Variants in XKR4 observed in about 807,000 individuals in gnomAD.
XKR4 encodes XK-related protein 4.
A neutral mutation model predicts 53.9 loss-of-function variants in XKR4; 12 were observed. The observed-to-expected ratio is 0.22, with a 90% confidence interval of 0.14 to 0.36. XKR4 has a LOEUF of 0.36. Among genes scored for constraint, XKR4 ranks in the 10% least tolerant of loss-of-function variants. XKR4 has a pLI of 1.00. For missense variants in XKR4, 799 were observed against 859.5 expected (o/e 0.93, Z 0.88); for synonymous variants, 354 against 362.4 (o/e 0.98, Z 0.26).
chr8:55,353,045 G>A (rs1442985412), intron 1 of XKR4, among the ~76,000 whole-genome samples: 1 of 152,196 alleles, frequency 6.6e-6, no homozygotes, highest in Admixed American at 6.5e-5. Flanking sequence ...AATCTGGAAA[G>A]TAGATGGGGA....
At position 55,531,634 on chromosome 8, in the gene XKR4, G is replaced by A. The variant is rs1034217248; in HGVS notation, c.*7407G>A. On this transcript the variant is annotated 3_prime_UTR_variant, in exon 3 of 3. Transcript: ENST00000327381. Reference sequence around the variant, plus strand: ...ACAAAAAAATTGAAATACTCTCTTGGTGCATAGTATTTGATTGAAAACAAT... The same window carrying A: ...ACAAAAAAATTGAAATACTCTCTTGATGCATAGTATTTGATTGAAAACAAT... The A allele has an allele frequency of 1.3e-5, 2 of 152,066 alleles. No individual in the cohort carries two copies. The highest frequency in any genetic ancestry group is 2.9e-5 in the Non-Finnish European group (2 of 68,022). 9.4% of individuals were successfully genotyped at this position (152,066 alleles called of 1,614,324 possible).
chr8:55,399,905 C>T lies in XKR4; in HGVS notation c.1006+42028C>T, dbSNP rs576306621. On this transcript the variant is annotated intron_variant, in intron 2 of 2. Transcript: ENST00000327381. Reference sequence around the variant, plus strand: ...ACCTCCAGGACAGGAGCAGCCTGCTCGCTCACACCTTGGAAGGGAGAATCA... The same window carrying T: ...ACCTCCAGGACAGGAGCAGCCTGCTTGCTCACACCTTGGAAGGGAGAATCA... Among the ~76,000 whole-genome samples the T allele has an allele frequency of 2.8e-4, 43 of 152,258 alleles. No individual in the cohort carries two copies. The East Asian group carries it at 7.3e-3, about 26-fold the overall frequency.
intron 1 of XKR4, among the ~76,000 whole-genome samples, chr8:55,109,450 A>G (rs1206848716): frequency 6.6e-6 from 1 of 152,156 alleles, no homozygotes; most frequent in Non-Finnish European, 1.5e-5. Context: ...TCTTCCCTGG[A>G]GCATCACAAA....
chr8:55,495,157 C>T (rs1806323784), intron 2 of XKR4, among the ~76,000 whole-genome samples: 1 of 152,216 alleles, frequency 6.6e-6, no homozygotes, highest in Non-Finnish European at 1.5e-5. Flanking sequence ...CCCAGCCAGG[C>T]TTACCAGTGC....
intron 2 of XKR4, among the ~76,000 whole-genome samples, chr8:55,518,245 G>A (rs1806744324): frequency 6.6e-6 from 1 of 152,132 alleles, no homozygotes; most frequent in Admixed American, 6.5e-5. Context: ...CAGTGATTTG[G>A]CATTTGCAGC....
intron 1 of XKR4, chr8:55,272,809 C>T: frequency 2.4e-6 from 1 of 408,306 alleles, no homozygotes; most frequent in Non-Finnish European, 4.8e-6. Flanking sequence ...TTTATTCTGT[C>T]CTTTAAAGAA....
chr8:55,231,848 A>T (rs749289783), intron 1 of XKR4, among the ~76,000 whole-genome samples: 1 of 152,156 alleles, frequency 6.6e-6, no homozygotes, highest in African/African-American at 2.4e-5. Context: ...CTTAAATTGG[A>T]GAGATTCCCT....
intron 2 of XKR4, among the ~76,000 whole-genome samples, chr8:55,469,863 A>G (rs1805845555): frequency 6.6e-6 from 1 of 152,146 alleles, no homozygotes; most frequent in African/African-American, 2.4e-5. Context: ...GACCTGGTCA[A>G]TCATTCACTC....
chr8:55,447,637 T>C (rs1426629099), intron 2 of XKR4, among the ~76,000 whole-genome samples: 5 of 152,352 alleles, frequency 3.3e-5, no homozygotes, highest in Admixed American at 2.6e-4. Flanking sequence ...TACTGTATAA[T>C]AGACAGCCCT....
At chr8:55,459,388 G>A (rs1805615469) in intron 2 of XKR4, among the ~76,000 whole-genome samples, 2 of 152,026 alleles carry the variant, frequency 1.3e-5, no homozygotes, top group African/African-American at 4.8e-5. Flanking sequence ...TACTTGATTG[G>A]ATACCAAAAG....
intron 2 of XKR4, among the ~76,000 whole-genome samples, chr8:55,430,668 C>G (rs1476010127): frequency 6.6e-6 from 1 of 152,170 alleles, no homozygotes; most frequent in Non-Finnish European, 1.5e-5. Flanking sequence ...AGCAAAGTAT[C>G]ATAGATGGTG....
rs58657642 is a variant in XKR4 at position 55,307,164 on chromosome 8, T to A, written c.807-50514T>A. Among the ~76,000 whole-genome samples, 357 of 152,218 alleles carry A rather than the reference T, an allele frequency of 2.3e-3. 1 individual carries two copies. Among genetic ancestry groups the A allele is most frequent in the African/African-American group, 8.0e-3 (332 of 41,532 alleles). On this transcript the variant is annotated intron_variant, in intron 1 of 2. Coordinates refer to ENST00000327381, the MANE Select transcript of XKR4 (RefSeq NM_052898.2). ...TTGGACTACATCAAAATTAAAAACA[T>A]TTGCTCTGTGGAAGACTCTGCTAAG...
intron 2 of XKR4, among the ~76,000 whole-genome samples, chr8:55,519,995 C>T (rs926574947): frequency 5.3e-5 from 8 of 152,178 alleles, no homozygotes; most frequent in African/African-American, 1.9e-4. Flanking sequence ...ACTTAAAATA[C>T]ACATTAATAG....
intron 2 of XKR4, among the ~76,000 whole-genome samples, chr8:55,485,663 T>A (rs953446365): frequency 6.6e-6 from 1 of 152,116 alleles, no homozygotes; most frequent in African/African-American, 2.4e-5. Context: ...CCTCCGAAAG[T>A]GCTGGGATTA....
At chr8:55,374,662 T>C (rs1214845087) in intron 2 of XKR4, among the ~76,000 whole-genome samples, 2 of 151,694 alleles carry the variant, frequency 1.3e-5, no homozygotes, top group East Asian at 3.9e-4. Flanking sequence ...GGATGGGGAG[T>C]TTCCAAAGAA....
chr8:55,290,192 C>A (rs1018598330), intron 1 of XKR4, among the ~76,000 whole-genome samples: 1 of 148,306 alleles, frequency 6.7e-6, no homozygotes, highest in Non-Finnish European at 1.5e-5. Context: ...TGCAGTGGTG[C>A]GATCTTGGCT....
rs191080507 is a variant in XKR4, at chr8:55,365,377, C to T, written c.1006+7500C>T. ...TGATGATGTATCAAGTAGCATACCA[C>T]CCCAGACCAGGAAAGTAGAACATGT... On this transcript the variant is annotated intron_variant, in intron 2 of 2. Transcript: ENST00000327381. Among the ~76,000 whole-genome samples the T allele has an allele frequency of 3.3e-5, 5 of 152,288 alleles. No homozygotes were observed. The East Asian group carries it at 9.6e-4, about 29-fold the overall frequency.
At chr8:55,171,296 A>T (rs539893592) in intron 1 of XKR4, among the ~76,000 whole-genome samples, 1 of 152,334 alleles carries the variant, frequency 6.6e-6, no homozygotes, top group South Asian at 2.1e-4. Flanking sequence ...CCTTACCATC[A>T]TCTGTTACAG....
intron 1 of XKR4, among the ~76,000 whole-genome samples, chr8:55,214,175 T>G (rs893040936): frequency 1.3e-5 from 2 of 152,162 alleles, no homozygotes; most frequent in African/African-American, 4.8e-5. Flanking sequence ...TTAGTACTTA[T>G]TATTTACTTT....
Sources: gnomAD v4.1 joint callset for allele counts (sites outside exome capture counted in the v4.1 genomes callset) on GRCh38, gnomAD v4.1.1 for gene constraint, MANE v1.5 for transcripts, NCBI Gene and HGNC (gene_info 2026-07-23, HGNC 2026-07-21) for gene names.